SLCO3A1: variants seen among roughly 807,000 people sequenced by gnomAD.
SLCO3A1 encodes the protein PGE1 transporter.
SLCO3A1 carries 27 observed loss-of-function variants against 63.1 expected under a neutral mutation model. The ratio of observed to expected loss-of-function variants is 0.43; its 90% CI spans 0.32 to 0.59. The LOEUF (loss-of-function observed/expected upper bound fraction) is 0.59. SLCO3A1 is among the 20% of genes least tolerant of loss of function. The pLI is 0.09. For missense variants in SLCO3A1, 773 were observed against 945.8 expected (o/e 0.82, Z 2.40); for synonymous variants, 473 against 409.9 (o/e 1.15, Z -1.86).
chr15:92,119,998 C>T (rs1044860298), intron 4 of SLCO3A1, among the ~76,000 whole-genome samples: 1 of 151,216 alleles, frequency 6.6e-6, no homozygotes, highest in South Asian at 2.1e-4. Flanking sequence ...TTTTCTTACA[C>T]ATATATATAT....
At chr15:91,907,075 G>A (rs921401938) in intron 1 of SLCO3A1, among the ~76,000 whole-genome samples, 4 of 152,160 alleles carry the variant, frequency 2.6e-5, no homozygotes, top group East Asian at 1.9e-4. Context: ...GGAAGAAAAG[G>A]GAGATGAGAG....
chr15:91,986,643 C>T (rs114689853), intron 2 of SLCO3A1, among the ~76,000 whole-genome samples: 241 of 151,574 alleles, frequency 1.6e-3, no homozygotes, highest in African/African-American at 5.6e-3. Flanking sequence ...ACACTTCCAG[C>T]GCACCTCAGT....
rs543080779 is a variant in SLCO3A1, at chr15:91,983,596, A to G, written c.646+67138A>G. ...CCTGAGAGCTCAGCTCACTTTTACA[A>G]GTAAATTACTTACATCTTCCTTGAG... On this transcript the variant is annotated intron_variant, in intron 2 of 9. Coordinates refer to ENST00000318445, the MANE Select transcript of SLCO3A1 (RefSeq NM_013272.4). Among the ~76,000 whole-genome samples the G allele has an allele frequency of 2.6e-5, 4 of 152,312 alleles. No individual in the cohort carries two copies. In the South Asian group the frequency reaches 6.2e-4, roughly 24 times the overall value.
intron 7 of SLCO3A1, among the ~76,000 whole-genome samples, chr15:92,132,197 T>C (rs549581031): frequency 6.8e-6 from 1 of 146,046 alleles, no homozygotes; most frequent in Admixed American, 6.8e-5. Context: ...CACTTTATCG[T>C]TTCCATCAAG....
At chr15:92,144,254 G>GTA (rs1027627545) in intron 7 of SLCO3A1, among the ~76,000 whole-genome samples, 5 of 152,110 alleles carry the variant, frequency 3.3e-5, no homozygotes, top group African/African-American at 1.2e-4. Context: ...TATACATGAT[G>GTA]TATACACAGG....
intron 2 of SLCO3A1, among the ~76,000 whole-genome samples, chr15:92,080,990 G>A (rs1373473153): frequency 6.8e-6 from 1 of 147,648 alleles, no homozygotes; most frequent in Non-Finnish European, 1.5e-5. Flanking sequence ...GTGTGTATGG[G>A]GTACGTGAGA....
intron 3 of SLCO3A1, among the ~76,000 whole-genome samples, chr15:92,099,408 A>C (rs900616583): frequency 1.3e-5 from 2 of 151,994 alleles, no homozygotes; most frequent in African/African-American, 4.8e-5. Flanking sequence ...CCCATAGCAA[A>C]AGTTTGGCAA....
intron 2 of SLCO3A1, among the ~76,000 whole-genome samples, chr15:92,074,405 G>C (rs1412141067): frequency 6.6e-6 from 1 of 152,126 alleles, no homozygotes; most frequent in African/African-American, 2.4e-5. Flanking sequence ...AACAGAACCA[G>C]AAGTGATCTT....
chr15:92,023,900 T>C (rs938425215), intron 2 of SLCO3A1, among the ~76,000 whole-genome samples: 1 of 152,252 alleles, frequency 6.6e-6, no homozygotes, highest in Non-Finnish European at 1.5e-5. Context: ...GAGCTCCGTC[T>C]CAAGGGGCTA....
chr15:92,170,417 G>A (rs185376599), downstream of SLCO3A1, among the ~76,000 whole-genome samples: 13 of 152,234 alleles, frequency 8.5e-5, no homozygotes, highest in South Asian at 1.7e-3. Flanking sequence ...CCAGCCCTAC[G>A]AGGTAAGTAT....
chr15:92,118,179 C>T (rs2047818787), intron 4 of SLCO3A1, among the ~76,000 whole-genome samples: 1 of 152,106 alleles, frequency 6.6e-6, no homozygotes, highest in South Asian at 2.1e-4. Context: ...TATTCATAGC[C>T]TTTTAAAAGT....
At chr15:91,858,271 T>A (rs1357208922) in intron 1 of SLCO3A1, among the ~76,000 whole-genome samples, 9 of 152,174 alleles carry the variant, frequency 5.9e-5, no homozygotes, top group Non-Finnish European at 8.8e-5. Flanking sequence ...GTAACCGTAT[T>A]TTATTTAATC....
At chr15:91,952,902 G>A (rs968518975) in intron 2 of SLCO3A1, among the ~76,000 whole-genome samples, 4 of 152,168 alleles carry the variant, frequency 2.6e-5, no homozygotes, top group Non-Finnish European at 5.9e-5. Context: ...GGGATGTAAT[G>A]TAGTGAGGGG....
intron 2 of SLCO3A1, among the ~76,000 whole-genome samples, chr15:91,971,802 T>TA (rs2151429348): frequency 6.6e-6 from 1 of 152,082 alleles, no homozygotes; most frequent in South Asian, 2.1e-4. Context: ...GTATTTCCCC[T>TA]AGCAGCAGTG....
At chr15:91,887,193 T>C (rs1417124260) in intron 1 of SLCO3A1, among the ~76,000 whole-genome samples, 1 of 152,230 alleles carries the variant, frequency 6.6e-6, no homozygotes, top group Non-Finnish European at 1.5e-5. Flanking sequence ...CACAGGTTGA[T>C]GGCATTTTGC....
At chr15:92,080,110 A>G (rs555910065) in intron 2 of SLCO3A1, among the ~76,000 whole-genome samples, 1 of 152,362 alleles carries the variant, frequency 6.6e-6, no homozygotes, top group South Asian at 2.1e-4. Context: ...TGAGAAGCCC[A>G]GAGTGGCAAC....
intron 6 of SLCO3A1, among the ~76,000 whole-genome samples, chr15:92,127,194 C>T (rs2047935113): frequency 1.3e-5 from 2 of 152,240 alleles, no homozygotes; most frequent in South Asian, 2.1e-4. Flanking sequence ...CCCAGCCTGG[C>T]CCCGACTTCG....
At chr15:92,041,938 G>A (rs1173549168) in intron 2 of SLCO3A1, among the ~76,000 whole-genome samples, 1 of 152,148 alleles carries the variant, frequency 6.6e-6, no homozygotes, top group African/African-American at 2.4e-5. Context: ...CAGGAAGTAT[G>A]GTGGGGGTGG....
rs77932132 is a variant in SLCO3A1, at chr15:92,022,726, G to C, written c.647-72155G>C. On this transcript the variant is annotated intron_variant, in intron 2 of 9. Transcript: ENST00000318445. ...ATGGTATAATAGGTAGTTGAGAAAG[G>C]TTTACAGAATGGGAGAGACTAACTG... is the stretch of plus-strand genomic sequence containing the variant. 7.6e-3 allele frequency among the ~76,000 whole-genome samples: 1,159 copies of C among 152,296 alleles called. 16 individuals carry two copies. The highest frequency in any genetic ancestry group is 0.026 in the African/African-American group (1,101 of 41,562).
Sources: gnomAD v4.1 joint callset for allele counts (sites outside exome capture counted in the v4.1 genomes callset) on GRCh38, gnomAD v4.1.1 for gene constraint, MANE v1.5 for transcripts, NCBI Gene and HGNC (gene_info 2026-07-23, HGNC 2026-07-21) for gene names.